The following EPHA7 variants were observed in gnomAD, a reference collection of about 807,000 sequenced individuals.
The protein encoded by EPHA7 is EPH receptor A7, also known as ephrin type-A receptor 7.
A neutral mutation model predicts 112.6 loss-of-function variants in EPHA7; 25 were observed. The observed-to-expected ratio is 0.22, with a 90% CI of 0.16 to 0.31. The LOEUF is 0.31. Ranked by LOEUF, EPHA7 falls within the 10% of genes least tolerant of loss-of-function variation. The pLI is 1.00. For synonymous variants in EPHA7, 437 were observed against 406.5 expected (o/e 1.07, Z -0.90); for missense variants, 962 against 1,212.6 (o/e 0.79, Z 3.07).
chr6:93,358,941 C>T (rs1776100496), intron 3 of EPHA7, among the ~76,000 whole-genome samples: 1 of 151,966 alleles, frequency 6.6e-6, no homozygotes, highest in African/African-American at 2.4e-5. Context: ...AATATATTTT[C>T]CCAAATTTTC....
chr6:93,247,491 T>C (rs751876082), intron 14 of EPHA7, among the ~76,000 whole-genome samples: 2 of 152,106 alleles, frequency 1.3e-5, no homozygotes, highest in Non-Finnish European at 2.9e-5. Context: ...ATGAAGCTTA[T>C]TGTTAGTGTT....
At chr6:93,330,946 CTGT>C (rs1159740664) in intron 5 of EPHA7, among the ~76,000 whole-genome samples, 2 of 151,492 alleles carry the variant, frequency 1.3e-5, no homozygotes, top group African/African-American at 2.4e-5. Context: ...TAGGACTTTG[CTGT>C]ATGGAGAACA....
In EPHA7 at chr6:93,410,360, C is replaced by T. The variant is rs1778915115; in HGVS notation, c.832+141G>A. 7.0e-6 allele frequency: 5 copies of T among 714,910 alleles called. No individual in the cohort carries two copies. Among genetic ancestry groups the T allele is most frequent in the South Asian group, 3.7e-5 (2 of 54,426 alleles). 44.3% of individuals were successfully genotyped at this position (714,910 alleles called of 1,614,324 possible). On this transcript the variant is annotated intron_variant, in intron 3 of 16. Transcript: ENST00000369303. The surrounding 1 kb of genome is among the most constrained non-coding windows in gnomAD (Gnocchi z 4.0). The stretch of plus-strand genomic sequence containing the variant: ...ACTGTAGGGCAATCACTAAGTTCAA[C>T]GGTGACTTTGTTTAAGATCTACTGA...
intron 5 of EPHA7, among the ~76,000 whole-genome samples, chr6:93,317,547 A>G (rs1562093003): frequency 6.6e-6 from 1 of 152,138 alleles, no homozygotes; most frequent in Non-Finnish European, 1.5e-5. Context: ...ATTAATTATT[A>G]ATTTTCTTTT....
intron 3 of EPHA7, among the ~76,000 whole-genome samples, chr6:93,392,509 TCTAA>T (rs1045678424): frequency 1.1e-4 from 16 of 152,130 alleles, no homozygotes; most frequent in Non-Finnish European, 1.6e-4. Context: ...CTGATGATTC[TCTAA>T]CTGATTATAT....
chr6:93,339,535 T>A (rs1285984244), intron 5 of EPHA7, among the ~76,000 whole-genome samples: 1 of 151,764 alleles, frequency 6.6e-6, no homozygotes, highest in Non-Finnish European at 1.5e-5. Flanking sequence ...GATTAACTAA[T>A]AAGATAAAGA....
intron 3 of EPHA7, among the ~76,000 whole-genome samples, chr6:93,406,220 A>G (rs1349667171): frequency 6.6e-6 from 1 of 151,674 alleles, no homozygotes; most frequent in Non-Finnish European, 1.5e-5. Context: ...ATTAAGCAAT[A>G]TAGTAATGCA....
intron 3 of EPHA7, among the ~76,000 whole-genome samples, chr6:93,389,228 G>C (rs1217568535): frequency 6.6e-6 from 1 of 151,986 alleles, no homozygotes. Flanking sequence ...TGTGTTAAAT[G>C]CTTTACAAGC....
chr6:93,277,043 A>G (rs1771503832), intron 5 of EPHA7, among the ~76,000 whole-genome samples: 1 of 152,058 alleles, frequency 6.6e-6, no homozygotes, highest in South Asian at 2.1e-4. Context: ...TACAAAAAGG[A>G]AAAATAAAGA....
intron 7 of EPHA7, among the ~76,000 whole-genome samples, chr6:93,265,469 A>G (rs549187591): frequency 6.6e-6 from 1 of 151,792 alleles, no homozygotes; most frequent in Non-Finnish European, 1.5e-5. Flanking sequence ...GAAGAAGTAC[A>G]TGTTTGCATG....
At chr6:93,292,776 A>C (rs1460824540) in intron 5 of EPHA7, among the ~76,000 whole-genome samples, 1 of 152,158 alleles carries the variant, frequency 6.6e-6, no homozygotes, top group Non-Finnish European at 1.5e-5. Context: ...AACTTCTATG[A>C]ATACTAGAGA....
intron 3 of EPHA7, among the ~76,000 whole-genome samples, chr6:93,375,510 C>T (rs974112307): frequency 6.6e-6 from 1 of 150,854 alleles, no homozygotes; most frequent in Non-Finnish European, 1.5e-5. Flanking sequence ...TCCAGCTACT[C>T]GAGAGGCTGA....
intron 5 of EPHA7, among the ~76,000 whole-genome samples, chr6:93,342,485 T>C (rs1438380048): frequency 6.6e-6 from 1 of 151,780 alleles, no homozygotes. Context: ...AGTGATGAAT[T>C]AATAAGTTGA....
chr6:93,415,303 CA>C (rs1779169923), intron 1 of EPHA7, among the ~76,000 whole-genome samples: 1 of 151,888 alleles, frequency 6.6e-6, no homozygotes, highest in Admixed American at 6.6e-5. Flanking sequence ...AACTGTTAAG[CA>C]ATGTTATCAG....
intron 3 of EPHA7, among the ~76,000 whole-genome samples, chr6:93,409,405 A>G (rs1206264098): frequency 2.0e-5 from 3 of 152,012 alleles, no homozygotes; most frequent in Non-Finnish European, 4.4e-5. Context: ...ATTGTGTAAA[A>G]CATAAATGAT....
chr6:93,357,478 T>C (rs1776007713), intron 4 of EPHA7, among the ~76,000 whole-genome samples: 1 of 152,158 alleles, frequency 6.6e-6, no homozygotes, highest in Non-Finnish European at 1.5e-5. Flanking sequence ...TCAAGAATGA[T>C]TTATAGCAAT....
chr6:93,334,642 AT>A (rs1312195155), intron 5 of EPHA7, among the ~76,000 whole-genome samples: 5 of 152,106 alleles, frequency 3.3e-5, no homozygotes, highest in African/African-American at 7.2e-5. Context: ...GTAGAAAAAA[AT>A]ATCTCCAAAG....
chr6:93,381,570 ATAAT>A (rs1454322286), intron 3 of EPHA7, among the ~76,000 whole-genome samples: 1 of 152,196 alleles, frequency 6.6e-6, no homozygotes, highest in East Asian at 1.9e-4. Flanking sequence ...TAACAAATGG[ATAAT>A]TAATAAACAG....
intron 5 of EPHA7, among the ~76,000 whole-genome samples, chr6:93,290,657 T>C (rs998589577): frequency 6.6e-6 from 1 of 152,196 alleles, no homozygotes; most frequent in African/African-American, 2.4e-5. Flanking sequence ...TTAGATCTCT[T>C]TTGCTTAAAC....
Sources: allele counts gnomAD v4.1 joint callset (sites outside exome capture counted in the v4.1 genomes callset), GRCh38; gene constraint gnomAD v4.1.1; non-coding constraint Gnocchi (gnomAD v3.1); transcripts MANE v1.5; gene names NCBI Gene and HGNC (gene_info 2026-07-23, HGNC 2026-07-21).